ADAMTSL1: variants seen among roughly 807,000 people sequenced by gnomAD.
ADAMTSL1 encodes the protein ADAMTS-like protein 1.
Under a neutral mutation model 201.8 loss-of-function variants are expected in ADAMTSL1, and 126 were observed. The ratio of observed to expected loss-of-function variants is 0.62; its 90% confidence interval spans 0.54 to 0.72. The LOEUF is 0.72. Ranked by LOEUF, ADAMTSL1 falls within the 30% of genes least tolerant of loss-of-function variation. The pLI, the probability that ADAMTSL1 is intolerant of heterozygous loss-of-function variation, is 0.00. For missense variants in ADAMTSL1, 2,679 were observed against 2,277.8 expected (o/e 1.18, Z -3.59); for synonymous variants, 1,121 against 903.4 (o/e 1.24, Z -4.32).
intron 1 of ADAMTSL1, among the ~76,000 whole-genome samples, chr9:18,477,320 T>C (rs1821501619): frequency 6.6e-6 from 1 of 152,206 alleles, no homozygotes; most frequent in Admixed American, 6.5e-5. Flanking sequence ...ATTGTGAGAG[T>C]TGCAAGAGTA....
intron 23 of ADAMTSL1, among the ~76,000 whole-genome samples, chr9:18,835,752 G>A (rs562957079): frequency 3.0e-4 from 45 of 152,244 alleles, no homozygotes; most frequent in African/African-American, 9.9e-4. Flanking sequence ...GTGAGAACAT[G>A]TGGTATTTGG....
At position 18,084,454 on chromosome 9, in the gene ADAMTSL1, G is replaced by A. The variant is rs190285183; in HGVS notation, c.88-79408G>A. ...GGAGAATTTCTTGAACCCAGGAGGC[G>A]GAGGTTGCAGTGAGCCGAGATGACA... On this transcript the variant is annotated intron_variant, in intron 1 of 29. Coordinates refer to the ADAMTSL1 transcript ENST00000680146. 3.6e-3 allele frequency among the ~76,000 whole-genome samples: 553 copies of A among 151,940 alleles called. 9 individuals carry two copies. The highest frequency in any genetic ancestry group is 7.0e-3 in the East Asian group (36 of 5,160).
In ADAMTSL1 at chr9:18,286,690, A is replaced by T. The variant is rs1316946099; in HGVS notation, c.207+122709A>T. 1.4e-5 allele frequency among the ~76,000 whole-genome samples: 2 copies of T among 144,596 alleles called. 1 individual carries two copies. The highest frequency in any genetic ancestry group is 3.0e-5 in the Non-Finnish European group (2 of 65,586). The allele number at this position is 144,596 out of a possible 152,430, so 94.9% of individuals were successfully genotyped here. A position where few individuals can be genotyped will look rare whatever the true frequency, so the allele number is the denominator to read the frequency against. The stretch of plus-strand genomic sequence containing the variant: ...CCCTAGAGTTATCAAAATAACTTCT[A>T]GGATTATGCATTATCAGGCCCATTC... On this transcript the variant is annotated intron_variant, in intron 2 of 29. Coordinates refer to the ADAMTSL1 transcript ENST00000680146.
intron 1 of ADAMTSL1, among the ~76,000 whole-genome samples, chr9:18,002,427 A>G (rs369415880): frequency 6.6e-6 from 1 of 152,078 alleles, no homozygotes; most frequent in Non-Finnish European, 1.5e-5. Context: ...TTAAAGGGCT[A>G]TGATAGATAG....
intron 1 of ADAMTSL1, among the ~76,000 whole-genome samples, chr9:17,932,620 A>G (rs1338582053): frequency 1.3e-5 from 2 of 152,178 alleles, no homozygotes; most frequent in Non-Finnish European, 2.9e-5. Context: ...AAAAGATGAC[A>G]GGAATAAACT....
chr9:17,982,040 C>T (rs1175946278), intron 1 of ADAMTSL1, among the ~76,000 whole-genome samples: 1 of 152,112 alleles, frequency 6.6e-6, no homozygotes, highest in Non-Finnish European at 1.5e-5. Flanking sequence ...AGGGAGAAGG[C>T]CTGGTTTATG....
intron 2 of ADAMTSL1, among the ~76,000 whole-genome samples, chr9:18,231,350 A>G (rs1340924578): frequency 1.3e-5 from 2 of 152,164 alleles, no homozygotes; most frequent in Admixed American, 6.5e-5. Context: ...AGTGATTTCC[A>G]TATTATTAAA....
intron 6 of ADAMTSL1, among the ~76,000 whole-genome samples, chr9:18,637,722 C>T (rs552875871): frequency 1.8e-4 from 28 of 151,984 alleles, no homozygotes; most frequent in Non-Finnish European, 4.0e-4. Context: ...GTGAAAGATA[C>T]CCTGTTTCTC....
At chr9:18,906,602 A>G (rs1830323272) in intron 27 of ADAMTSL1, 90 bp from the exon 28 acceptor site, 5 of 1,098,500 alleles carry the variant, frequency 4.6e-6, no homozygotes, top group Admixed American at 5.8e-5. Context: ...GAACCACCTA[A>G]CATTTCTGAG....
At chr9:18,688,829 A>G (rs989962572) in intron 13 of ADAMTSL1, among the ~76,000 whole-genome samples, 2 of 150,166 alleles carry the variant, frequency 1.3e-5, no homozygotes, top group African/African-American at 4.9e-5. Flanking sequence ...CTGTTGAGGT[A>G]GACTTCTACA....
intron 2 of ADAMTSL1, among the ~76,000 whole-genome samples, chr9:18,278,407 T>G (rs1832666166): frequency 6.6e-6 from 1 of 152,344 alleles, no homozygotes; most frequent in African/African-American, 2.4e-5. Context: ...TTCTAAAGAA[T>G]AGCCTTGCCT....
At chr9:18,526,438 A>T (rs1206179252) in intron 2 of ADAMTSL1, among the ~76,000 whole-genome samples, 10 of 152,156 alleles carry the variant, frequency 6.6e-5, no homozygotes, top group Admixed American at 6.5e-4. Flanking sequence ...GCCCATTTAC[A>T]TTTAAGGTTA....
intron 15 of ADAMTSL1, among the ~76,000 whole-genome samples, chr9:18,749,936 G>A (rs1327824467): frequency 2.0e-5 from 3 of 152,170 alleles, no homozygotes; most frequent in South Asian, 2.1e-4. Flanking sequence ...CAAGGTCCCA[G>A]GGGCTAAATT....
chr9:18,394,374 G>A (rs1362901630), intron 2 of ADAMTSL1, among the ~76,000 whole-genome samples: 1 of 152,164 alleles, frequency 6.6e-6, no homozygotes, highest in East Asian at 1.9e-4. Context: ...TATGCCCCAG[G>A]AGATCCATTT....
chr9:18,478,242 G>GT (rs1019831214), intron 1 of ADAMTSL1, among the ~76,000 whole-genome samples: 2 of 152,088 alleles, frequency 1.3e-5, no homozygotes, highest in African/African-American at 4.8e-5. Context: ...AGTTACTCAT[G>GT]TTTTTTAAAA....
At chr9:18,475,802 T>C (rs111613132) in intron 1 of ADAMTSL1, among the ~76,000 whole-genome samples, 2,047 of 152,226 alleles carry the variant, frequency 0.013, 49 homozygotes, top group African/African-American at 0.046. Flanking sequence ...ATAAAGCAAA[T>C]TACCAGTATA....
chr9:18,457,321 A>AG (rs1471493056), intron 2 of ADAMTSL1, among the ~76,000 whole-genome samples: 5 of 151,910 alleles, frequency 3.3e-5, no homozygotes, highest in African/African-American at 9.7e-5. Context: ...TATATTAAGG[A>AG]GGGAATAATT....
Position 18,908,464 on chromosome 9 carries a change from G to C in ADAMTSL1, c.5205G>C (p.Arg1735Ser), listed in dbSNP as rs145995717. ...CENMECRDTT[R>S]YCEKVKQLKL... is the part of the protein sequence containing the mutation. ...CAGTGGAGTGCAGAGACACCACCAG[G>C]TACTGCGAGAAGGTGAAACAGCTGA... Residue 1735 changes from arginine to serine, a missense_variant, in exon 29 of 29, where the codon AGG becomes AGC. Coordinates refer to ENST00000380548, the MANE Select transcript of ADAMTSL1 (RefSeq NM_001040272.6). 1.3e-4 allele frequency: 207 copies of C among 1,560,208 alleles called. No individual in the cohort carries two copies. In the African/African-American group the frequency reaches 2.5e-3, roughly 19 times the overall value.
chr9:17,958,496 T>C (rs1588477424), intron 1 of ADAMTSL1, among the ~76,000 whole-genome samples: 1 of 152,316 alleles, frequency 6.6e-6, no homozygotes, highest in Non-Finnish European at 1.5e-5. Flanking sequence ...TGTCTTAGGC[T>C]GGATCCCAAG....
Sources: allele counts gnomAD v4.1 joint callset (sites outside exome capture counted in the v4.1 genomes callset), GRCh38; gene constraint gnomAD v4.1.1; transcripts MANE v1.5; gene names NCBI Gene and HGNC (gene_info 2026-07-23, HGNC 2026-07-21).